Variants in CLIC5 observed in about 807,000 individuals in gnomAD.
The protein encoded by CLIC5 is chloride intracellular channel protein 5.
A neutral mutation model predicts 24.7 loss-of-function variants in CLIC5; 20 were observed. That is an observed-to-expected ratio of 0.81 (90% CI 0.57 to 1.18). The LOEUF (loss-of-function observed/expected upper bound fraction) is 1.18. Among genes scored for constraint, CLIC5 ranks in the 50% most tolerant of loss-of-function variants. The pLI is 0.00. For missense variants in CLIC5, 341 were observed against 326.1 expected, an observed-to-expected ratio of 1.05 and a Z score of -0.35; for synonymous variants, 159 against 135.6, an observed-to-expected ratio of 1.17 and a Z score of -1.20.
At chr6:45,957,423 T>G (rs996264939) in intron 1 of CLIC5, among the ~76,000 whole-genome samples, 1 of 152,128 alleles carries the variant, frequency 6.6e-6, no homozygotes, top group Admixed American at 6.5e-5. Flanking sequence ...ATCATCGTGG[T>G]GAAACCAGGA....
At chr6:46,118,294 C>T in the CLIC5 span, among the ~76,000 whole-genome samples, 4 of 152,140 alleles carry the variant, frequency 2.6e-5, no homozygotes, top group African/African-American at 9.7e-5. Flanking sequence ...GAAAAGTTGC[C>T]TCTATCTTTT....
chr6:46,032,085 A>G (rs1767519798), intron 1 of CLIC5, among the ~76,000 whole-genome samples: 1 of 152,094 alleles, frequency 6.6e-6, no homozygotes, highest in South Asian at 2.1e-4. Flanking sequence ...ATTTACAAAG[A>G]AAAGAGATTT....
chr6:46,059,810 G>C (rs566972667), intron 1 of CLIC5, among the ~76,000 whole-genome samples: 60 of 150,424 alleles, frequency 4.0e-4, no homozygotes, highest in African/African-American at 1.4e-3. Context: ...GTGAGGAAGT[G>C]GAAGTATAAT....
At chr6:45,987,160 C>G (rs1161857272) in intron 1 of CLIC5, among the ~76,000 whole-genome samples, 3 of 152,194 alleles carry the variant, frequency 2.0e-5, no homozygotes, top group African/African-American at 7.2e-5. Flanking sequence ...ATGTGGGAAG[C>G]TCTGCAAAAT....
the CLIC5 span, among the ~76,000 whole-genome samples, chr6:46,103,347 C>T: frequency 7.9e-5 from 12 of 152,266 alleles, no homozygotes; most frequent in African/African-American, 2.6e-4. Flanking sequence ...AGAGACCCTG[C>T]AAACAGAAGT....
In CLIC5 at chr6:45,903,184, G is replaced by A. The variant is rs138583424; in HGVS notation, c.660C>T (p.Asn220=). The part of the protein sequence containing the change: ...EMTGLWRYLK[N]AYARDEFTNT... ...TGGTGAACTCATCACGGGCATAGGC[G>A]TTCTTGAGGTACCGCCACAGGCCTG... Residue 220 remains asparagine (N), a synonymous_variant, in exon 6 of 6, where the codon AAC becomes AAT. Transcript: ENST00000339561. 6.6e-5 allele frequency: 107 copies of A among 1,613,552 alleles called. No homozygotes were observed. Among genetic ancestry groups the A allele is most frequent in the African/African-American group, 1.6e-4 (12 of 74,994 alleles).
chr6:46,070,394 T>C (rs1562035701), intron 1 of CLIC5, among the ~76,000 whole-genome samples: 2 of 152,154 alleles, frequency 1.3e-5, no homozygotes, highest in South Asian at 4.1e-4. Flanking sequence ...ATAAAATCAA[T>C]GTACAAAAAT....
rs1468730192 is a variant in CLIC5 at position 46,015,619 on chromosome 6, C to T, written c.-77G>A. ...AGCACCTGGGCCAGCACTCTGCGCT[C>T]CTGCCGCTGCCCAGCGGGGCTCCTC... On this transcript the variant is annotated 5_prime_UTR_variant, in exon 1 of 6. Transcript: ENST00000339561. 1 of 1,417,236 alleles carries T rather than the reference C, an allele frequency of 7.1e-7. No individual in the cohort carries two copies. Among genetic ancestry groups the T allele is most frequent in the African/African-American group, 1.5e-5 (1 of 66,830 alleles). 87.8% of individuals were successfully genotyped at this position (1,417,236 alleles called of 1,614,324 possible).
chr6:45,916,225 C>T (rs1441776705), intron 4 of CLIC5, among the ~76,000 whole-genome samples: 1 of 152,218 alleles, frequency 6.6e-6, no homozygotes, highest in African/African-American at 2.4e-5. Context: ...CCTGGTGTGG[C>T]ATTTGAACTA....
intron 6 of CLIC5, among the ~76,000 whole-genome samples, chr6:45,891,792 C>A (rs937973695): frequency 1.3e-5 from 2 of 152,102 alleles, no homozygotes; most frequent in African/African-American, 4.8e-5. Flanking sequence ...CTTTTTATTG[C>A]AATGACTTTT....
At chr6:46,066,204 G>T (rs775328854) in intron 1 of CLIC5, among the ~76,000 whole-genome samples, 4 of 152,108 alleles carry the variant, frequency 2.6e-5, no homozygotes, top group African/African-American at 9.7e-5. Context: ...TATTCAAAGC[G>T]GGGGCAGGGG....
At chr6:45,888,225 G>C (rs1043676179) in intron 6 of CLIC5, among the ~76,000 whole-genome samples, 17 of 152,140 alleles carry the variant, frequency 1.1e-4, no homozygotes, top group African/African-American at 4.1e-4. Flanking sequence ...CCAAATGAGT[G>C]GGGTACTATA....
chr6:45,973,786 T>G (rs1363760304), intron 1 of CLIC5, among the ~76,000 whole-genome samples: 1 of 151,990 alleles, frequency 6.6e-6, no homozygotes, highest in African/African-American at 2.4e-5. Context: ...AAAAATTAGC[T>G]GGGGGTGGTG....
chr6:45,938,251 G>T lies in CLIC5; in HGVS notation c.406+3296C>A, dbSNP rs970267781. Among the ~76,000 whole-genome samples, 20 of 152,234 alleles carry T rather than the reference G, an allele frequency of 1.3e-4. 1 individual carries two copies. ...CAGAAAGGGGATGGACCATCTCCCG[G>T]GTCAGGGGCTGTGGGGCTCTGGGAC... On this transcript the variant is annotated intron_variant, in intron 4 of 5. Coordinates refer to ENST00000339561, the MANE Select transcript of CLIC5 (RefSeq NM_016929.5).
intron 4 of CLIC5, chr6:45,934,118 G>C (rs1164446582): frequency 6.6e-6 from 1 of 152,174 alleles, no homozygotes; most frequent in East Asian, 1.9e-4. Flanking sequence ...AGCTGACCAG[G>C]GGCCCTGTTT....
chr6:46,062,958 G>C (rs1334371099), intron 1 of CLIC5, among the ~76,000 whole-genome samples: 1 of 152,176 alleles, frequency 6.6e-6, no homozygotes, highest in Non-Finnish European at 1.5e-5. Flanking sequence ...TGAGGCATCT[G>C]TTTCCCTGTT....
chr6:45,974,559 AG>A (rs1361097740), intron 1 of CLIC5, among the ~76,000 whole-genome samples: 4 of 138,670 alleles, frequency 2.9e-5, no homozygotes, highest in African/African-American at 8.1e-5. Flanking sequence ...AGAGAGAGAG[AG>A]AGAGAAAGAG....
At chr6:45,946,789 G>A (rs554377667) in intron 3 of CLIC5, among the ~76,000 whole-genome samples, 2 of 152,220 alleles carry the variant, frequency 1.3e-5, no homozygotes, top group African/African-American at 4.8e-5. Flanking sequence ...GGGTGCAAAG[G>A]CATCTAAGGT....
intron 1 of CLIC5, among the ~76,000 whole-genome samples, chr6:46,008,567 C>T (rs1354587975): frequency 3.3e-5 from 5 of 152,170 alleles, no homozygotes; most frequent in Admixed American, 2.0e-4. Flanking sequence ...CTTCAGCTTT[C>T]ACAGAGCCTG....
Sources: gnomAD v4.1 joint callset for allele counts (sites outside exome capture counted in the v4.1 genomes callset) on GRCh38, gnomAD v4.1.1 for gene constraint, MANE v1.5 for transcripts, NCBI Gene and HGNC (gene_info 2026-07-23, HGNC 2026-07-21) for gene names.